ATR: variants seen among roughly 807,000 people sequenced by gnomAD.
ATR encodes serine/threonine-protein kinase ATR.
ATR carries 142 observed loss-of-function variants against 305.3 expected under a neutral mutation model. The ratio of observed to expected loss-of-function variants is 0.47; its 90% CI spans 0.41 to 0.53. The LOEUF (loss-of-function observed/expected upper bound fraction) is 0.53. ATR is among the 20% of genes least tolerant of loss of function. The probability of loss-of-function intolerance (pLI) is 0.00; values close to 1 mark genes in which losing one functional copy is unlikely to be tolerated. For missense variants in ATR, 2,135 were observed against 3,133.1 expected (o/e 0.68, Z 7.60); for synonymous variants, 1,050 against 1,068.1 (o/e 0.98, Z 0.33).
At position 142,561,360 on chromosome 3, in the gene ATR, A is replaced by T; in HGVS notation, c.1232T>A (p.Ile411Asn). 6.2e-7 allele frequency: 1 copy of T among 1,614,040 alleles called. No individual in the cohort carries two copies. Among genetic ancestry groups the T allele is most frequent in the Non-Finnish European group, 8.5e-7 (1 of 1,179,968 alleles). ...GTTTTCCTGTTGAGTTTGGCATTGA[A>T]TCTCCTCAATGATTTCCATACTTTC... is the stretch of plus-strand genomic sequence containing the variant. The part of the protein sequence containing the change: ...KMESMEIIEE[I>N]QCQTQQENLS... The change falls in exon 5 of 47, where the codon ATT becomes AAT. Residue 411 changes from isoleucine (I) to asparagine (N), a missense_variant. Transcript: ENST00000350721.
At position 142,528,883 on chromosome 3, in the gene ATR, T is replaced by A. The variant is rs368894917; in HGVS notation, c.3946-4684A>T. Among the ~76,000 whole-genome samples, 172 of 74,998 alleles carry A rather than the reference T, an allele frequency of 2.3e-3. 1 individual carries two copies. Among genetic ancestry groups the A allele is most frequent in the African/African-American group, 0.011 (117 of 10,644 alleles). The allele number at this position is 74,998 out of a possible 152,430, so 49.2% of individuals were successfully genotyped here. ...TATATATATATATATATATATATTT[T>A]TTTTTTTTTTTTTTTTTTGAGGCAG... On this transcript the variant is annotated intron_variant, in intron 21 of 46. Transcript: ENST00000350721.
At chr3:142,493,745 A>G (rs530378476) in intron 34 of ATR, among the ~76,000 whole-genome samples, 63 of 152,058 alleles carry the variant, frequency 4.1e-4, no homozygotes, top group African/African-American at 1.0e-3. Context: ...GCTCATGCCT[A>G]TAATTCCAGC....
At chr3:142,526,609 T>C (rs58322446) in intron 21 of ATR, among the ~76,000 whole-genome samples, 1,917 of 152,064 alleles carry the variant, frequency 0.013, 44 homozygotes, top group African/African-American at 0.043. Flanking sequence ...TTCTTGAGTG[T>C]TTTCATTTGA....
Position 142,550,192 on chromosome 3 carries a change from T to C in ATR, c.2916A>G (p.Leu972=). The change falls in exon 14 of 47, where the codon TTA becomes TTG. Residue 972 remains leucine (L), a synonymous_variant. Coordinates refer to ENST00000350721, the MANE Select transcript of ATR (RefSeq NM_001184.4). The part of the protein sequence containing the change: ...QDVAHQREMA[L]NTLSEIANVF... ...CGTTGGCAATTTCAGACAACGTATT[T>C]AAAGCCATTTCTCTCTGGTGAGCCA... 6.2e-7 allele frequency: 1 copy of C among 1,614,190 alleles called. No individual in the cohort carries two copies. Among genetic ancestry groups the C allele is most frequent in the Non-Finnish European group, 8.5e-7 (1 of 1,180,026 alleles).
chr3:142,508,242 G>T, intron 27 of ATR, 133 bp from the exon 28 acceptor site: 1 of 741,596 alleles, frequency 1.3e-6, no homozygotes, highest in South Asian at 2.1e-5. Flanking sequence ...TATTTAGAAT[G>T]TAACTAACAA....
chr3:142,456,576 G>GA lies in ATR; in HGVS notation c.7655+1027dup, dbSNP rs913832949. The stretch of plus-strand genomic sequence containing the variant: ...GACAGAGCGAAACCCTGTCTCAAAG[G>GA]AAAAAAAAAAAGAATAAAAAAACCC... On this transcript the variant is annotated intron_variant, in intron 45 of 46. Coordinates refer to ENST00000350721, the MANE Select transcript of ATR (RefSeq NM_001184.4). Among the ~76,000 whole-genome samples the GA allele has an allele frequency of 2.4e-3, 337 of 138,714 alleles. 1 individual carries two copies. The highest frequency in any genetic ancestry group is 7.4e-3 in the African/African-American group (279 of 37,786). 91.0% of individuals were successfully genotyped at this position (138,714 alleles called of 152,430 possible). A position where few individuals can be genotyped will look rare whatever the true frequency, so the allele number is the denominator to read the frequency against.
rs1233332247 is a variant in ATR at position 142,540,922 on chromosome 3, A to G, written c.3563T>C (p.Phe1188Ser). 6.2e-7 allele frequency: 1 copy of G among 1,612,666 alleles called. No homozygotes were observed. Among genetic ancestry groups the G allele is most frequent in the East Asian group, 2.2e-5 (1 of 44,812 alleles). ...CATTTACCTGCAACACAATTCAGGAAAATCATCCTTGAATCGAAGGCCAGT... is the reference window on the plus strand; with the variant it reads ...CATTTACCTGCAACACAATTCAGGAGAATCATCCTTGAATCGAAGGCCAGT... The part of the protein sequence containing the change: ...LRTGLRFKDD[F>S]PELCCRAWDC... Residue 1188 changes from phenylalanine to serine, a missense_variant, in exon 18 of 47, where the codon TTT becomes TCT. Transcript: ENST00000350721.
chr3:142,499,294 G>A lies in ATR; in HGVS notation c.5380+333C>T, dbSNP rs573863624. The A allele has an allele frequency of 9.5e-4, 280 of 296,182 alleles. 6 individuals are homozygous for A. Among genetic ancestry groups the A allele is most frequent in the South Asian group, 8.6e-3 (263 of 30,546 alleles). 18.3% of individuals were successfully genotyped at this position (296,182 alleles called of 1,614,324 possible). ...TGAATATTTATGTCATATTAAAACC[G>A]CTTTTTTTTTTTTTCTTTGAGATGG... On this transcript the variant is annotated intron_variant, in intron 31 of 46. Transcript: ENST00000350721.
In ATR at chr3:142,466,327, A is replaced by G; in HGVS notation, c.6894T>C (p.Asp2298=). 2 of 1,612,908 alleles carry G rather than the reference A, an allele frequency of 1.2e-6. No homozygotes were observed. The highest frequency in any genetic ancestry group is 8.5e-7 in the Non-Finnish European group (1 of 1,178,948). ...GTCATATAAAACTGAAGTTTACCAT[A>G]TCATCAAACCCTGCAATATAGGCCC... ...GHWAYIAGFD[D]MVEILASLQK... is the part of the protein sequence containing the mutation. Residue 2298 remains aspartate (D), a synonymous_variant, in exon 40 of 47, where the codon GAT becomes GAC. Transcript: ENST00000350721.
chr3:142,465,366 T>G (rs2071104055), intron 40 of ATR, 126 bp from the exon 41 acceptor site: 1 of 702,336 alleles, frequency 1.4e-6, no homozygotes. Context: ...GTAGTGAATT[T>G]GTATTTTAAA....
chr3:142,452,286 C>T (rs1390820234), intron 46 of ATR: 2 of 991,110 alleles, frequency 2.0e-6, no homozygotes, highest in East Asian at 2.2e-4. Context: ...TGGTATAATT[C>T]ATTGTATTTA....
intron 1 of ATR, among the ~76,000 whole-genome samples, chr3:142,573,721 G>C (rs1350214489): frequency 1.3e-5 from 2 of 152,142 alleles, no homozygotes; most frequent in Admixed American, 6.5e-5. Context: ...ATGTGTAATC[G>C]ATATAAAAAT....
chr3:142,558,270 C>A (rs149640705), intron 8 of ATR, among the ~76,000 whole-genome samples: 1 of 152,020 alleles, frequency 6.6e-6, no homozygotes, highest in East Asian at 1.9e-4. Context: ...CGCCTGTAAT[C>A]CTAGCACTTT....
In ATR at chr3:142,562,379, C is replaced by T; in HGVS notation, c.1023G>A (p.Leu341=). 2 of 1,614,102 alleles carry T rather than the reference C, an allele frequency of 1.2e-6. No individual in the cohort carries two copies. The highest frequency in any genetic ancestry group is 1.7e-6 in the Non-Finnish European group (2 of 1,179,988). ...GTAAATGGCACAAAGCTGCTTTTAGCAAATCAGACTTAAGCCGCATGAGCA... is the reference window on the plus strand; with the variant it reads ...GTAAATGGCACAAAGCTGCTTTTAGTAAATCAGACTTAAGCCGCATGAGCA... ...DGVLMRLKSD[L]LKAALCHLLQ... is the part of the protein sequence containing the mutation. The change falls in exon 4 of 47, where the codon TTG becomes TTA. Residue 341 remains leucine (L), a synonymous_variant. Transcript: ENST00000350721.
At position 142,560,246 on chromosome 3, in the gene ATR, C is replaced by T. The variant is rs764965563; in HGVS notation, c.1541+17G>A. The T allele has an allele frequency of 1.2e-6, 2 of 1,610,928 alleles. No individual in the cohort carries two copies. Among genetic ancestry groups the T allele is most frequent in the Admixed American group, 3.3e-5 (2 of 60,006 alleles). On this transcript the variant is annotated intron_variant, in intron 6 of 46. Coordinates refer to ENST00000350721, the MANE Select transcript of ATR (RefSeq NM_001184.4). ...TTACAGGAAACCCAACCCCAAGAAACAAGAAGTTTGTTTTACCAGTTCATG... is the reference window on the plus strand; with the variant it reads ...TTACAGGAAACCCAACCCCAAGAAATAAGAAGTTTGTTTTACCAGTTCATG...
intron 36 of ATR, among the ~76,000 whole-genome samples, chr3:142,479,898 A>G (rs997502142): frequency 6.6e-6 from 1 of 152,194 alleles, no homozygotes; most frequent in Non-Finnish European, 1.5e-5. Flanking sequence ...AAGCTTGTGC[A>G]TTCGTCACGT....
At chr3:142,550,775 C>T (rs1273697713) in intron 13 of ATR, among the ~76,000 whole-genome samples, 3 of 151,744 alleles carry the variant, frequency 2.0e-5, no homozygotes, top group Non-Finnish European at 2.9e-5. Flanking sequence ...AAACAAAATA[C>T]ATCGTTTTTG....
chr3:142,571,955 C>T (rs1224137951), intron 1 of ATR, among the ~76,000 whole-genome samples: 12 of 151,734 alleles, frequency 7.9e-5, no homozygotes, highest in Admixed American at 6.6e-4. Flanking sequence ...TTAGTAGAGA[C>T]GGGGTTTCAC....
chr3:142,463,550 C>T (rs2071064419), intron 41 of ATR, among the ~76,000 whole-genome samples: 1 of 152,178 alleles, frequency 6.6e-6, no homozygotes, highest in Admixed American at 6.5e-5. Context: ...GCGTACACCA[C>T]CATGCCTGGC....
Sources: allele counts gnomAD v4.1 joint callset (sites outside exome capture counted in the v4.1 genomes callset), GRCh38; gene constraint gnomAD v4.1.1; transcripts MANE v1.5; gene names NCBI Gene and HGNC (gene_info 2026-07-23, HGNC 2026-07-21).